Variants in AGMO observed in about 807,000 individuals in gnomAD.
The protein encoded by AGMO is alkylglycerol monooxygenase, also known as glyceryl-ether monooxygenase.
A neutral mutation model predicts 60.2 loss-of-function variants in AGMO; 75 were observed. The observed-to-expected ratio is 1.25, with a 90% CI of 1.03 to 1.51. The LOEUF is 1.51. Among genes scored for constraint, AGMO ranks in the 40% most tolerant of loss-of-function variants. The probability of loss-of-function intolerance (pLI) is 0.00; values close to 1 mark genes in which losing one functional copy is unlikely to be tolerated. For synonymous variants in AGMO, 261 were observed against 177.1 expected (o/e 1.47, Z -3.76); for missense variants, 763 against 525.5 (o/e 1.45, Z -4.42).
chr7:15,348,204 C>T (rs539103967), intron 12 of AGMO, among the ~76,000 whole-genome samples: 10 of 151,994 alleles, frequency 6.6e-5, no homozygotes, highest in African/African-American at 2.4e-5. Flanking sequence ...AGGTCCATAT[C>T]CTAATGAGTC....
chr7:15,454,032 T>TTA (rs1345844152), intron 3 of AGMO, among the ~76,000 whole-genome samples: 6 of 148,492 alleles, frequency 4.0e-5, no homozygotes, highest in Non-Finnish European at 7.4e-5. Flanking sequence ...TATATATTTT[T>TTA]TATATATATA....
At chr7:15,191,731 C>G in the AGMO span, among the ~76,000 whole-genome samples, 1 of 151,964 alleles carries the variant, frequency 6.6e-6, no homozygotes, top group Non-Finnish European at 1.5e-5. Context: ...TTTTTTAAGG[C>G]ACTAAGTCAT....
rs1212693745 is a variant in AGMO at position 15,550,197 on chromosome 7, G to A, written c.258-5274C>T. The stretch of plus-strand genomic sequence containing the variant: ...TAGAGGGAAATTTATAGCACTAAAT[G>A]CCCACAAGAGAAAGCAGGAAAGATC... On this transcript the variant is annotated intron_variant, in intron 2 of 12. Transcript: ENST00000342526. 9.0e-3 allele frequency among the ~76,000 whole-genome samples: 1,350 copies of A among 150,118 alleles called. 19 individuals are homozygous for A. Among genetic ancestry groups the A allele is most frequent in the African/African-American group, 0.031 (1,259 of 40,950 alleles).
intron 10 of AGMO, among the ~76,000 whole-genome samples, chr7:15,369,080 C>G (rs1783098458): frequency 6.6e-6 from 1 of 152,126 alleles, no homozygotes; most frequent in Non-Finnish European, 1.5e-5. Context: ...TTAACTTTTT[C>G]TGTCACTGTC....
chr7:15,233,616 T>C lies in AGMO; in HGVS notation c.1264-32257A>G, dbSNP rs529474248. On this transcript the variant is annotated intron_variant, in intron 12 of 12. Coordinates refer to ENST00000342526, the MANE Select transcript of AGMO (RefSeq NM_001004320.2). ...AAATAGTGGTGATGATTACACAGCA[T>C]TGTCCATGTACTTAAGCATGAAAAA... 6.0e-5 allele frequency among the ~76,000 whole-genome samples: 9 copies of C among 151,136 alleles called. No individual in the cohort carries two copies. The South Asian group carries it at 1.1e-3, about 18-fold the overall frequency.
At chr7:15,370,626 T>C (rs1461045119) in intron 10 of AGMO, among the ~76,000 whole-genome samples, 1 of 152,218 alleles carries the variant, frequency 6.6e-6, no homozygotes, top group Middle Eastern at 3.2e-3. Flanking sequence ...TTGATTTGCA[T>C]TTCTCTAATG....
chr7:15,448,673 TGCC>T (rs1396301778), intron 3 of AGMO, among the ~76,000 whole-genome samples: 10 of 151,860 alleles, frequency 6.6e-5, no homozygotes, highest in Non-Finnish European at 1.5e-4. Context: ...AGCAAAATTC[TGCC>T]ATAATTTTAA....
chr7:15,320,408 T>A (rs1422951018), intron 12 of AGMO, among the ~76,000 whole-genome samples: 2 of 152,036 alleles, frequency 1.3e-5, no homozygotes, highest in Non-Finnish European at 2.9e-5. Context: ...TTTCCCAATG[T>A]TTCTCATACC....
intron 12 of AGMO, among the ~76,000 whole-genome samples, chr7:15,203,889 T>TA (rs1239240386): frequency 1.3e-5 from 2 of 152,116 alleles, no homozygotes. Context: ...TCCTTTTCTG[T>TA]AGTCATCACC....
the AGMO span, among the ~76,000 whole-genome samples, chr7:15,175,605 T>C: frequency 7.0e-6 from 1 of 143,368 alleles, no homozygotes; most frequent in Non-Finnish European, 1.5e-5. Flanking sequence ...CTCTCAATGA[T>C]AATTCAACAG....
chr7:15,450,991 C>G (rs2128505489), intron 3 of AGMO, among the ~76,000 whole-genome samples: 2 of 152,066 alleles, frequency 1.3e-5, no homozygotes, highest in African/African-American at 4.8e-5. Context: ...GATTTAATAA[C>G]ATTGTTTTAT....
At chr7:15,158,448 T>G in the AGMO span, among the ~76,000 whole-genome samples, 1 of 151,992 alleles carries the variant, frequency 6.6e-6, no homozygotes, top group East Asian at 1.9e-4. Context: ...CAACAACATA[T>G]AATGTCAACA....
At chr7:15,233,753 T>C (rs1782329192) in intron 12 of AGMO, among the ~76,000 whole-genome samples, 1 of 152,132 alleles carries the variant, frequency 6.6e-6, no homozygotes. Context: ...GAATTTAAGA[T>C]ACTATAGAAC....
At position 15,414,521 on chromosome 7, in the gene AGMO, G is replaced by A. The variant is rs538450866; in HGVS notation, c.609+4037C>T. The stretch of plus-strand genomic sequence containing the variant: ...ACAAAGAGAGGGAGAAAGGTGGGGA[G>A]AGAGAGAGAGAAAACAAGTCAGTAG... On this transcript the variant is annotated intron_variant, in intron 5 of 12. Coordinates refer to ENST00000342526, the MANE Select transcript of AGMO (RefSeq NM_001004320.2). 2.9e-3 allele frequency among the ~76,000 whole-genome samples: 438 copies of A among 151,788 alleles called. 3 individuals are homozygous for A. The Middle Eastern group carries it at 0.031, about 11-fold the overall frequency.
intron 12 of AGMO, among the ~76,000 whole-genome samples, chr7:15,347,033 A>G (rs1049784573): frequency 1.2e-4 from 19 of 152,188 alleles, no homozygotes; most frequent in African/African-American, 4.1e-4. Flanking sequence ...CCATTTGAAT[A>G]TAAGTAGGTA....
At chr7:15,331,564 C>T (rs1444342836) in intron 12 of AGMO, among the ~76,000 whole-genome samples, 2 of 152,162 alleles carry the variant, frequency 1.3e-5, no homozygotes, top group African/African-American at 4.8e-5. Context: ...GCAGCCAACA[C>T]TATGTGTTCA....
chr7:15,151,579 A>T, the AGMO span, among the ~76,000 whole-genome samples: 1 of 152,094 alleles, frequency 6.6e-6, no homozygotes, highest in African/African-American at 2.4e-5. Context: ...AGTAATTCAG[A>T]AGCAGGTTGT....
At chr7:15,164,521 A>G in the AGMO span, among the ~76,000 whole-genome samples, 1 of 152,170 alleles carries the variant, frequency 6.6e-6, no homozygotes, top group Non-Finnish European at 1.5e-5. Flanking sequence ...AAATAACTCA[A>G]AAAACTCCAC....
At chr7:15,519,970 A>G (rs1783934062) in intron 3 of AGMO, among the ~76,000 whole-genome samples, 1 of 143,428 alleles carries the variant, frequency 7.0e-6, no homozygotes, top group Admixed American at 7.4e-5. Flanking sequence ...AGATTTGCCA[A>G]GCAAATGGGA....
Sources: gnomAD v4.1 joint callset for allele counts (sites outside exome capture counted in the v4.1 genomes callset) on GRCh38, gnomAD v4.1.1 for gene constraint, MANE v1.5 for transcripts, NCBI Gene and HGNC (gene_info 2026-07-23, HGNC 2026-07-21) for gene names.